The following IL18R1 variants were observed in gnomAD, a reference collection of about 807,000 sequenced individuals.
The protein encoded by IL18R1 is interleukin 18 receptor 1.
A neutral mutation model predicts 48.5 loss-of-function variants in IL18R1; 40 were observed. That is an observed-to-expected ratio of 0.82 (90% confidence interval 0.64 to 1.07). The LOEUF is 1.07. Among genes scored for constraint, IL18R1 ranks in the 50% least tolerant of loss-of-function variants. The probability of loss-of-function intolerance (pLI) is 0.00; values close to 1 mark genes in which losing one functional copy is unlikely to be tolerated. For synonymous variants in IL18R1, 232 were observed against 225.9 expected, an observed-to-expected ratio of 1.03 and a Z score of -0.24; for missense variants, 596 against 633.7, an observed-to-expected ratio of 0.94 and a Z score of 0.64.
At position 102,381,623 on chromosome 2, in the gene IL18R1, G is replaced by A. The variant is rs11465635; in HGVS notation, c.629G>A (p.Arg210His). 871 of 1,611,550 alleles carry A rather than the reference G, an allele frequency of 5.4e-4. 2 individuals are homozygous for A. In the African/African-American group the frequency reaches 7.9e-3, roughly 15 times the overall value. ...TCTTTTCTTTTGTCACTTCTAGATCGCAGTAATATAGTTCCGGTTCTTCTT... is the reference window on the plus strand; with the variant it reads ...TCTTTTCTTTTGTCACTTCTAGATCACAGTAATATAGTTCCGGTTCTTCTT... The part of the protein sequence containing the change: ...KTFNITIVED[R>H]SNIVPVLLGP... Residue 210 changes from arginine to histidine, a missense_variant, in exon 6 of 11, where the codon CGC (arginine) becomes CAC (histidine). Arg to His is a conservative substitution (Grantham distance 29). Coordinates refer to ENST00000233957, the MANE Select transcript of IL18R1 (RefSeq NM_003855.5).
At chr2:102,363,756 T>C (rs1678725215) in intron 2 of IL18R1, among the ~76,000 whole-genome samples, 1 of 152,222 alleles carries the variant, frequency 6.6e-6, no homozygotes, top group South Asian at 2.1e-4. Flanking sequence ...TAGGGAGACA[T>C]GACAATGTTC....
intron 9 of IL18R1, among the ~76,000 whole-genome samples, chr2:102,393,993 A>C (rs947270347): frequency 5.3e-5 from 8 of 152,220 alleles, no homozygotes; most frequent in African/African-American, 1.9e-4. Context: ...TGAAGCTAGA[A>C]GAGAGAGTGG....
intron 5 of IL18R1, among the ~76,000 whole-genome samples, chr2:102,380,975 T>C (rs1434704750): frequency 2.0e-5 from 3 of 152,174 alleles, no homozygotes; most frequent in Non-Finnish European, 2.9e-5. Flanking sequence ...AGCAAGAGCC[T>C]GTTGGGTGAT....
At position 102,397,092 on chromosome 2, in the gene IL18R1, T is replaced by A. The variant is rs1680866420; in HGVS notation, c.*206T>A. 1 of 486,372 alleles carries A rather than the reference T, an allele frequency of 2.1e-6. No individual in the cohort carries two copies. Among genetic ancestry groups the A allele is most frequent in the Non-Finnish European group, 3.6e-6 (1 of 278,248 alleles). The allele number at this position is 486,372 out of a possible 1,614,324, so 30.1% of individuals were successfully genotyped here. ...TGTGGTCACGTGCTCCCAGAAGACC[T>A]GGAATTCAAAAGAAATGGAGCTATT... On this transcript the variant is annotated 3_prime_UTR_variant, in exon 11 of 11. Transcript: ENST00000233957.
At chr2:102,362,774 C>G (rs577137767) in intron 2 of IL18R1, 56 bp downstream of exon 2, 9 of 1,144,864 alleles carry the variant, frequency 7.9e-6, no homozygotes, top group Non-Finnish European at 1.1e-5. Context: ...GGAAGAATGT[C>G]AAAGTTTTTT....
intron 2 of IL18R1, among the ~76,000 whole-genome samples, chr2:102,367,103 G>A (rs540386465): frequency 1.1e-4 from 16 of 152,264 alleles, no homozygotes; most frequent in South Asian, 4.2e-4. Flanking sequence ...CACAAGTGCC[G>A]AAAGAGGGGA....
At chr2:102,370,038 TG>T (rs1429758357) in intron 3 of IL18R1, among the ~76,000 whole-genome samples, 2 of 152,230 alleles carry the variant, frequency 1.3e-5, no homozygotes, top group Non-Finnish European at 2.9e-5. Flanking sequence ...AAGTGGGGGC[TG>T]GTGTTTATCC....
chr2:102,370,075 T>A (rs1559621194), intron 3 of IL18R1, among the ~76,000 whole-genome samples: 4 of 152,008 alleles, frequency 2.6e-5, no homozygotes. Flanking sequence ...CAAAAATGAG[T>A]GGTTTTCATA....
intron 1 of IL18R1, among the ~76,000 whole-genome samples, chr2:102,361,114 A>T (rs895898114): frequency 3.9e-5 from 6 of 152,062 alleles, no homozygotes; most frequent in African/African-American, 1.4e-4. Flanking sequence ...GATATTGAAT[A>T]TTTTTTTTAA....
intron 5 of IL18R1, among the ~76,000 whole-genome samples, chr2:102,381,264 G>A (rs563805189): frequency 6.6e-6 from 1 of 152,332 alleles, no homozygotes; most frequent in Non-Finnish European, 1.5e-5. Flanking sequence ...TCACTGGCCA[G>A]CTGAGGAGGA....
intron 4 of IL18R1, among the ~76,000 whole-genome samples, chr2:102,373,709 C>G (rs1679403138): frequency 6.6e-6 from 1 of 152,132 alleles, no homozygotes; most frequent in African/African-American, 2.4e-5. Flanking sequence ...AACATACGCA[C>G]TCCCATCCAC....
At chr2:102,357,806 G>A (rs1488671451) in intron 1 of IL18R1, among the ~76,000 whole-genome samples, 2 of 152,140 alleles carry the variant, frequency 1.3e-5, no homozygotes, top group Non-Finnish European at 2.9e-5. Flanking sequence ...GGACTATGAG[G>A]TGGCATTGAT....
chr2:102,384,915 T>G lies in IL18R1; in HGVS notation c.726T>G (p.Asn242Lys). 6.2e-7 allele frequency: 1 copy of G among 1,611,114 alleles called. No individual in the cohort carries two copies. ...GGCTCAACTGCTCTGCTTTGCTGAA[T>G]GAAGAGGATGTAATTTATTGGATGT... ...NVRLNCSALLNEEDVIYWMFG... is the reference protein window; with the variant it reads ...NVRLNCSALLKEEDVIYWMFG... Residue 242 changes from asparagine (N) to lysine (K), a missense_variant, in exon 7 of 11, where the codon AAT (asparagine) becomes AAG (lysine). This residue lies in a region of IL18R1 where 360 missense variants were observed against 339.4 expected (regional missense o/e 1.06). Transcript: ENST00000233957.
In IL18R1 at chr2:102,384,898, T is replaced by G; in HGVS notation, c.709T>G (p.Cys237Gly). 1 of 1,610,366 alleles carries G rather than the reference T, an allele frequency of 6.2e-7. No individual in the cohort carries two copies. The highest frequency in any genetic ancestry group is 8.5e-7 in the Non-Finnish European group (1 of 1,177,526). ...ACCAGGAAAAAACGTAAGGCTCAAC[T>G]GCTCTGCTTTGCTGAATGAAGAGGA... Reference protein sequence around the residue: ...VELGKNVRLNCSALLNEEDVI... With the variant: ...VELGKNVRLNGSALLNEEDVI... Residue 237 changes from cysteine (C) to glycine (G), a missense_variant, in exon 7 of 11, where the codon TGC becomes GGC. Around this residue, in one of 3 missense-constraint regions of IL18R1, gnomAD observed 360 missense variants for 339.4 expected, o/e 1.06. Transcript: ENST00000233957.
At chr2:102,389,710 C>G (rs573536419) in intron 8 of IL18R1, among the ~76,000 whole-genome samples, 1 of 152,316 alleles carries the variant, frequency 6.6e-6, no homozygotes, top group Admixed American at 6.5e-5. Flanking sequence ...GCACCTCAAC[C>G]CACTTGCTAA....
At position 102,386,902 on chromosome 2, in the gene IL18R1, T is replaced by A; in HGVS notation, c.851T>A (p.Ile284Asn). The A allele has an allele frequency of 6.2e-7, 1 of 1,614,168 alleles. No individual in the cohort carries two copies. The highest frequency in any genetic ancestry group is 8.5e-7 in the Non-Finnish European group (1 of 1,180,002). Residue 284 changes from isoleucine (I) to asparagine (N), a missense_variant, in exon 8 of 11, where the codon ATT becomes AAT. Transcript: ENST00000233957. Reference protein sequence around the residue: ...GKWHASKVLRIENIGESNLNV... With the variant: ...GKWHASKVLRNENIGESNLNV... Reference sequence around the variant, plus strand: ...TGGCATGCTTCAAAAGTATTGAGAATTGAAAATATTGGTGAAAGCAATCTA... The same window carrying A: ...TGGCATGCTTCAAAAGTATTGAGAAATGAAAATATTGGTGAAAGCAATCTA...
chr2:102,378,496 A>C (rs550540501), intron 5 of IL18R1, among the ~76,000 whole-genome samples: 1 of 152,198 alleles, frequency 6.6e-6, no homozygotes, highest in Non-Finnish European at 1.5e-5. Context: ...ATAATTGTCC[A>C]TCTTATTTTT....
At position 102,368,079 on chromosome 2, in the gene IL18R1, C is replaced by A. The variant is rs540446907; in HGVS notation, c.302+11C>A. The A allele has an allele frequency of 1.2e-6, 2 of 1,612,898 alleles. No individual in the cohort carries two copies. Among genetic ancestry groups the A allele is most frequent in the Admixed American group, 3.3e-5 (2 of 59,980 alleles). On this transcript the variant is annotated intron_variant, in intron 3 of 10. Coordinates refer to ENST00000233957, the MANE Select transcript of IL18R1 (RefSeq NM_003855.5). ...CTTTTTCCAAATGAAGTGAGTAACC[C>A]TTTCTTTTCAAAATGTATTTCACAG...
intron 6 of IL18R1, among the ~76,000 whole-genome samples, chr2:102,382,807 T>C (rs958294949): frequency 1.3e-5 from 2 of 152,180 alleles, no homozygotes; most frequent in African/African-American, 4.8e-5. Flanking sequence ...ACCTGCTTTA[T>C]ATTTTTATTT....
Sources: gnomAD v4.1 joint callset for allele counts (sites outside exome capture counted in the v4.1 genomes callset) on GRCh38, gnomAD v4.1.1 for gene constraint, gnomAD v4.1.1 regional missense constraint, MANE v1.5 for transcripts, NCBI Gene and HGNC (gene_info 2026-07-23, HGNC 2026-07-21) for gene names.